CPA6: variants seen among roughly 807,000 people sequenced by gnomAD.
The protein encoded by CPA6 is carboxypeptidase A6.
CPA6 carries 58 observed loss-of-function variants against 63.3 expected under a neutral mutation model. That is an observed-to-expected ratio of 0.92 (90% confidence interval 0.74 to 1.14). The LOEUF (loss-of-function observed/expected upper bound fraction) is 1.14, where lower values mean the gene tolerates loss of function less well. Ranked by LOEUF, CPA6 falls within the 50% of genes most tolerant of loss-of-function variation. The pLI is 0.00. For synonymous variants in CPA6, 185 were observed against 179.0 expected (o/e 1.03, Z -0.27); for missense variants, 565 against 526.6 (o/e 1.07, Z -0.71).
At position 67,665,630 on chromosome 8, in the gene CPA6, C is replaced by T. The variant is rs181323547; in HGVS notation, c.117-41379G>A. Among the ~76,000 whole-genome samples, 733 of 152,312 alleles carry T rather than the reference C, an allele frequency of 4.8e-3. 3 individuals are homozygous for T. The highest frequency in any genetic ancestry group is 0.011 in the Admixed American group (175 of 15,298). ...TCTTTCTAGACTCCCACATGTATGGCATTTTTCTTTTTATGGCTTTGCTTT... is the reference window on the plus strand; with the variant it reads ...TCTTTCTAGACTCCCACATGTATGGTATTTTTCTTTTTATGGCTTTGCTTT... On this transcript the variant is annotated intron_variant, in intron 1 of 10. Transcript: ENST00000297770.
At chr8:67,467,483 A>G (rs937964218) in intron 8 of CPA6, among the ~76,000 whole-genome samples, 5 of 152,196 alleles carry the variant, frequency 3.3e-5, no homozygotes, top group African/African-American at 1.2e-4. Flanking sequence ...TAGTGCTTGT[A>G]TCCACCAGGT....
intron 1 of CPA6, among the ~76,000 whole-genome samples, chr8:67,690,734 A>G (rs1816798335): frequency 6.6e-6 from 1 of 152,222 alleles, no homozygotes; most frequent in Non-Finnish European, 1.5e-5. Flanking sequence ...AATACAAGTC[A>G]GGAAGAGTGA....
At chr8:67,730,623 A>C (rs1459192962) in intron 1 of CPA6, among the ~76,000 whole-genome samples, 2 of 152,194 alleles carry the variant, frequency 1.3e-5, no homozygotes, top group Non-Finnish European at 2.9e-5. Context: ...CTCCCATCCG[A>C]AGGCTATCCA....
rs769326892 is a variant in CPA6, at chr8:67,506,851, A to G, written c.572T>C (p.Ile191Thr). The G allele has an allele frequency of 6.2e-7, 1 of 1,613,686 alleles. No individual in the cohort carries two copies. The highest frequency in any genetic ancestry group is 1.3e-5 in the African/African-American group (1 of 75,038). ...RRSRLKRAVW[I>T]DCGIHAREWI... ...TTCTCTTGCATGAATACCACAGTCT[A>G]TCCAAACAGCTCTTTTGAGTCGTGA... Residue 191 changes from isoleucine to threonine, a missense_variant, in exon 6 of 11, where the codon ATA (isoleucine) becomes ACA (threonine). Ile to Thr is a moderately conservative substitution (Grantham distance 89, BLOSUM62 -1). Coordinates refer to ENST00000297770, the MANE Select transcript of CPA6 (RefSeq NM_020361.5).
In CPA6 at chr8:67,634,321, G is replaced by A. The variant is rs924878630; in HGVS notation, c.117-10070C>T. 1.1e-4 allele frequency among the ~76,000 whole-genome samples: 16 copies of A among 148,734 alleles called. No individual in the cohort carries two copies. In the East Asian group the frequency reaches 2.9e-3, roughly 27 times the overall value. On this transcript the variant is annotated intron_variant, in intron 1 of 10. Transcript: ENST00000297770. ...TACAAGCTCCGCCTCCCGCATTCTC[G>A]CATTCTCCTGCCTCAGCCTCCCGAG...
At chr8:67,433,487 A>G (rs1227460859) in intron 9 of CPA6, among the ~76,000 whole-genome samples, 1 of 152,186 alleles carries the variant, frequency 6.6e-6, no homozygotes, top group Middle Eastern at 3.2e-3. Flanking sequence ...CTTAGTACTA[A>G]CTTGTCAGAT....
At chr8:67,646,665 G>A (rs958105673) in intron 1 of CPA6, among the ~76,000 whole-genome samples, 1 of 152,182 alleles carries the variant, frequency 6.6e-6, no homozygotes, top group African/African-American at 2.4e-5. Flanking sequence ...GTGGAGTGGG[G>A]CAGATGTGCT....
chr8:67,624,631 C>T (rs1265067885), intron 1 of CPA6, among the ~76,000 whole-genome samples: 1 of 152,154 alleles, frequency 6.6e-6, no homozygotes, highest in Non-Finnish European at 1.5e-5. Context: ...AAACATAATG[C>T]TGAAAAGGAA....
intron 8 of CPA6, among the ~76,000 whole-genome samples, chr8:67,441,835 G>T (rs960046163): frequency 6.6e-6 from 1 of 152,104 alleles, no homozygotes. Context: ...GTTGTTTTTA[G>T]GGGCTTTCTC....
intron 2 of CPA6, among the ~76,000 whole-genome samples, chr8:67,545,656 C>T (rs556200329): frequency 4.0e-5 from 6 of 151,220 alleles, no homozygotes; most frequent in African/African-American, 1.2e-4. Flanking sequence ...CACTCCACCC[C>T]CTGGGTTCAA....
chr8:67,480,693 C>G (rs556336467), intron 8 of CPA6, among the ~76,000 whole-genome samples: 3 of 151,822 alleles, frequency 2.0e-5, no homozygotes, highest in Non-Finnish European at 4.4e-5. Flanking sequence ...ATATATATAT[C>G]TAAGAGTGGA....
intron 10 of CPA6, among the ~76,000 whole-genome samples, chr8:67,427,511 G>A (rs1809919223): frequency 1.3e-5 from 2 of 152,174 alleles, no homozygotes. Context: ...GTGAAAGATG[G>A]GAGATGAGGG....
chr8:67,616,923 C>G (rs1814969425), intron 2 of CPA6, among the ~76,000 whole-genome samples: 1 of 152,138 alleles, frequency 6.6e-6, no homozygotes, highest in South Asian at 2.1e-4. Flanking sequence ...CATGAAAGAG[C>G]CCAGTGGAGA....
chr8:67,582,721 G>A (rs992942678), intron 2 of CPA6, among the ~76,000 whole-genome samples: 1 of 134,614 alleles, frequency 7.4e-6, no homozygotes, highest in African/African-American at 3.2e-5. Context: ...TATTATAGTT[G>A]AAATACAATG....
intron 3 of CPA6, among the ~76,000 whole-genome samples, chr8:67,513,249 T>C (rs1812078054): frequency 6.6e-6 from 1 of 152,196 alleles, no homozygotes; most frequent in Admixed American, 6.5e-5. Flanking sequence ...TAGGCTTGTA[T>C]GGGCTAAAGA....
intron 1 of CPA6, among the ~76,000 whole-genome samples, chr8:67,699,482 G>A (rs1490308625): frequency 6.6e-6 from 1 of 151,396 alleles, no homozygotes; most frequent in Admixed American, 6.6e-5. Flanking sequence ...TAGAAAAACA[G>A]GCAAATAAAT....
chr8:67,525,984 T>C (rs1044754356), intron 2 of CPA6, among the ~76,000 whole-genome samples: 1 of 152,294 alleles, frequency 6.6e-6, no homozygotes. Flanking sequence ...AATATATCCA[T>C]GTAACAAAAC....
chr8:67,634,026 A>T (rs1815406314), intron 1 of CPA6, among the ~76,000 whole-genome samples: 1 of 146,662 alleles, frequency 6.8e-6, no homozygotes, highest in Non-Finnish European at 1.5e-5. Flanking sequence ...CCCTCAATCC[A>T]AGAATGTGAC....
chr8:67,700,579 A>G (rs963372242), intron 1 of CPA6, among the ~76,000 whole-genome samples: 1 of 152,224 alleles, frequency 6.6e-6, no homozygotes, highest in East Asian at 1.9e-4. Flanking sequence ...TAATCAACAA[A>G]TGTATAAAGT....
Sources: allele counts gnomAD v4.1 joint callset (sites outside exome capture counted in the v4.1 genomes callset), GRCh38; gene constraint gnomAD v4.1.1; transcripts MANE v1.5; gene names NCBI Gene and HGNC (gene_info 2026-07-23, HGNC 2026-07-21).